Variants in CERS6 observed in about 807,000 individuals in gnomAD.
CERS6 encodes LAG1 homolog, ceramide synthase 6.
Under a neutral mutation model 56.8 loss-of-function variants are expected in CERS6, and 26 were observed. That is an observed-to-expected ratio of 0.46 (90% CI 0.34 to 0.63). The LOEUF (loss-of-function observed/expected upper bound fraction) is 0.63, where lower values mean the gene tolerates loss of function less well. Among genes scored for constraint, CERS6 ranks in the 30% least tolerant of loss-of-function variants. The pLI, the probability that CERS6 is intolerant of heterozygous loss-of-function variation, is 0.01. For missense variants in CERS6, 415 were observed against 467.5 expected, an observed-to-expected ratio of 0.89 and a Z score of 1.04; for synonymous variants, 164 against 173.3, an observed-to-expected ratio of 0.95 and a Z score of 0.42.
intron 3 of CERS6, among the ~76,000 whole-genome samples, chr2:168,575,785 G>A (rs1683249352): frequency 6.6e-6 from 1 of 152,028 alleles, no homozygotes; most frequent in African/African-American, 2.4e-5. Context: ...GCTGTCAGGT[G>A]GGGCTGCCAT....
At chr2:168,603,644 G>A (rs1420304213) in intron 3 of CERS6, among the ~76,000 whole-genome samples, 1 of 152,220 alleles carries the variant, frequency 6.6e-6, no homozygotes, top group Admixed American at 6.5e-5. Flanking sequence ...GGCTACAGGT[G>A]TAGCTCAGCC....
At chr2:168,556,991 CAAAAAAAAAAAAAAA>C (rs71003046) in intron 2 of CERS6, among the ~76,000 whole-genome samples, 1 of 82,306 alleles carries the variant, frequency 1.2e-5, no homozygotes, top group Non-Finnish European at 2.3e-5. Flanking sequence ...CTTGTCTCTA[CAAAAAAAAAAAAAAA>C]AAAAAAAAAA....
At chr2:168,732,695 A>G (rs1053066638) in intron 8 of CERS6, among the ~76,000 whole-genome samples, 1 of 152,118 alleles carries the variant, frequency 6.6e-6, no homozygotes, top group Non-Finnish European at 1.5e-5. Flanking sequence ...GGCAACCCAT[A>G]CCAGACATAA....
chr2:168,494,439 T>A (rs1343822783), intron 1 of CERS6, among the ~76,000 whole-genome samples: 1 of 152,206 alleles, frequency 6.6e-6, no homozygotes, highest in Non-Finnish European at 1.5e-5. Context: ...ATGGTGTGTA[T>A]CTCTTTGGGT....
chr2:168,570,478 G>A (rs989109511), intron 3 of CERS6, among the ~76,000 whole-genome samples: 1 of 152,130 alleles, frequency 6.6e-6, no homozygotes, highest in African/African-American at 2.4e-5. Flanking sequence ...AAGAGGACAC[G>A]GCTTGCCTGC....
intron 3 of CERS6, among the ~76,000 whole-genome samples, chr2:168,590,222 C>T (rs1364540827): frequency 6.6e-6 from 1 of 152,162 alleles, no homozygotes; most frequent in African/African-American, 2.4e-5. Flanking sequence ...ATGGTCATAG[C>T]TAAAAGAAAT....
At chr2:168,738,207 C>T (rs1011068234) in intron 8 of CERS6, among the ~76,000 whole-genome samples, 4 of 152,142 alleles carry the variant, frequency 2.6e-5, no homozygotes, top group South Asian at 2.1e-4. Context: ...TGAAGCTGGG[C>T]GTGGTAGTCC....
At chr2:168,560,432 A>G (rs1695766697) in intron 2 of CERS6, among the ~76,000 whole-genome samples, 1 of 152,210 alleles carries the variant, frequency 6.6e-6, no homozygotes, top group South Asian at 2.1e-4. Flanking sequence ...TCTTTTTTAC[A>G]GATGAGGAAA....
At chr2:168,751,909 C>G (rs1410960890) in intron 8 of CERS6, among the ~76,000 whole-genome samples, 2 of 152,172 alleles carry the variant, frequency 1.3e-5, no homozygotes, top group East Asian at 3.8e-4. Context: ...TCAAAATGCT[C>G]CCTTTGCTTG....
chr2:168,726,732 A>G (rs1364400375), intron 8 of CERS6, among the ~76,000 whole-genome samples: 1 of 152,212 alleles, frequency 6.6e-6, no homozygotes, highest in Non-Finnish European at 1.5e-5. Context: ...CTTTATAAAT[A>G]TTAGGCATTT....
intron 4 of CERS6, among the ~76,000 whole-genome samples, chr2:168,648,650 G>A (rs1685262879): frequency 6.6e-6 from 1 of 152,186 alleles, no homozygotes; most frequent in African/African-American, 2.4e-5. Flanking sequence ...ACTTTTTGAT[G>A]TGGGCATTTA....
intron 1 of CERS6, among the ~76,000 whole-genome samples, chr2:168,473,366 C>T (rs1694012272): frequency 6.6e-6 from 1 of 152,008 alleles, no homozygotes; most frequent in Non-Finnish European, 1.5e-5. Context: ...AATCACTTTA[C>T]TAAGTCCTAG....
At chr2:168,593,965 TTGCTACA>T (rs1683735735) in intron 3 of CERS6, among the ~76,000 whole-genome samples, 1 of 152,236 alleles carries the variant, frequency 6.6e-6, no homozygotes, top group Non-Finnish European at 1.5e-5. Context: ...AGGAATGGTA[TTGCTACA>T]TTGGTTTTGG....
chr2:168,500,473 G>A (rs1022850233), intron 1 of CERS6, among the ~76,000 whole-genome samples: 14 of 152,190 alleles, frequency 9.2e-5, no homozygotes, highest in Non-Finnish European at 1.9e-4. Context: ...TATTGTGAAT[G>A]GATTTAGGAA....
At chr2:168,760,756 T>G (rs1452205772) in intron 8 of CERS6, among the ~76,000 whole-genome samples, 1 of 151,836 alleles carries the variant, frequency 6.6e-6, no homozygotes, top group East Asian at 1.9e-4. Flanking sequence ...ATTTATTTAT[T>G]TATTTATTTA....
At chr2:168,621,856 A>G (rs2105284805) in intron 3 of CERS6, among the ~76,000 whole-genome samples, 1 of 152,354 alleles carries the variant, frequency 6.6e-6, no homozygotes, top group South Asian at 2.1e-4. Flanking sequence ...AAGCATGAAT[A>G]CAATGACAGG....
intron 1 of CERS6, among the ~76,000 whole-genome samples, chr2:168,494,440 C>T (rs1273084710): frequency 6.6e-6 from 1 of 152,172 alleles, no homozygotes; most frequent in Admixed American, 6.5e-5. Flanking sequence ...TGGTGTGTAT[C>T]TCTTTGGGTT....
At chr2:168,481,941 A>G (rs560206727) in intron 1 of CERS6, among the ~76,000 whole-genome samples, 1 of 152,358 alleles carries the variant, frequency 6.6e-6, no homozygotes, top group African/African-American at 2.4e-5. Context: ...GCTTAGGTTG[A>G]ATTTTTGAAT....
chr2:168,559,339 A>G (rs1397184846), intron 2 of CERS6, among the ~76,000 whole-genome samples: 1 of 152,190 alleles, frequency 6.6e-6, no homozygotes, highest in African/African-American at 2.4e-5. Context: ...CTGCTGTAAC[A>G]GAATACTATC....
Sources: gnomAD v4.1 joint callset for allele counts (sites outside exome capture counted in the v4.1 genomes callset) on GRCh38, gnomAD v4.1.1 for gene constraint, MANE v1.5 for transcripts, NCBI Gene and HGNC (gene_info 2026-07-23, HGNC 2026-07-21) for gene names.